HIVEP3: variants seen among roughly 807,000 people sequenced by gnomAD.
HIVEP3 encodes the protein transcription factor HIVEP3.
HIVEP3 carries 49 observed loss-of-function variants against 152.8 expected under a neutral mutation model. That is an observed-to-expected ratio of 0.32 (90% confidence interval 0.26 to 0.41). HIVEP3 has a LOEUF of 0.41. Among genes scored for constraint, HIVEP3 ranks in the 10% least tolerant of loss-of-function variants. HIVEP3 has a pLI of 1.00. For missense variants in HIVEP3, 2,790 were observed against 3,103.3 expected (o/e 0.90, Z 2.40); for synonymous variants, 1,269 against 1,289.0 (o/e 0.98, Z 0.33).
intron 5 of HIVEP3, among the ~76,000 whole-genome samples, chr1:41,538,495 C>T (rs1334650675): frequency 6.6e-6 from 1 of 152,068 alleles, no homozygotes; most frequent in Non-Finnish European, 1.5e-5. Flanking sequence ...CTGGGTTTTA[C>T]TATTGTGATT....
rs373976057 is a variant in HIVEP3, at chr1:41,580,490, G to T, written c.4308C>A (p.Gly1436=). ...GGGTTTCCATGGTAAGTTCAAGGCT[G>T]CCAGCTGGTGAAAGGACACGTTTGC... The part of the protein sequence containing the change: ...GGSKRVLSPA[G]SLELTMETQQ... Residue 1436 remains glycine (G), a synonymous_variant, in exon 4 of 9, where the codon GGC becomes GGA. Coordinates refer to ENST00000372583, the MANE Select transcript of HIVEP3 (RefSeq NM_024503.5). 1 of 1,614,200 alleles carries T rather than the reference G, an allele frequency of 6.2e-7. No individual in the cohort carries two copies. The highest frequency in any genetic ancestry group is 8.5e-7 in the Non-Finnish European group (1 of 1,180,038).
At chr1:42,001,064 A>G (rs1645425360) in intron 1 of HIVEP3, among the ~76,000 whole-genome samples, 1 of 152,174 alleles carries the variant, frequency 6.6e-6, no homozygotes, top group Non-Finnish European at 1.5e-5. Context: ...GTCACACCAC[A>G]TTTAAGATTT....
At chr1:41,966,472 A>ATTTTT in intron 1 of HIVEP3, among the ~76,000 whole-genome samples, 1 of 46,546 alleles carries the variant, frequency 2.1e-5, no homozygotes, top group Admixed American at 1.9e-4. Flanking sequence ...AGTGTGCTGT[A>ATTTTT]TTCTTTTTTT....
chr1:41,595,761 C>T (rs191259023), intron 3 of HIVEP3, among the ~76,000 whole-genome samples: 1 of 152,146 alleles, frequency 6.6e-6, no homozygotes, highest in Admixed American at 6.5e-5. Context: ...GGTAGAAGAA[C>T]ATGAAAAGAC....
chr1:41,527,341 CTT>C (rs1461164185), intron 5 of HIVEP3, among the ~76,000 whole-genome samples: 1 of 50,832 alleles, frequency 2.0e-5, no homozygotes, highest in Non-Finnish European at 4.8e-5. Context: ...CACATCCCAC[CTT>C]CACACTCACC....
chr1:41,850,570 T>C (rs969776880), intron 1 of HIVEP3, among the ~76,000 whole-genome samples: 1 of 152,206 alleles, frequency 6.6e-6, no homozygotes, highest in Admixed American at 6.5e-5. Flanking sequence ...TTTGTCGTCA[T>C]TAGAGTCACA....
chr1:41,663,463 G>A (rs1645750000), intron 2 of HIVEP3, among the ~76,000 whole-genome samples: 1 of 152,216 alleles, frequency 6.6e-6, no homozygotes, highest in Non-Finnish European at 1.5e-5. Context: ...AAGTTTCCAG[G>A]GGGATCCTTG....
intron 1 of HIVEP3, among the ~76,000 whole-genome samples, chr1:41,719,873 T>A (rs1011054894): frequency 5.3e-5 from 8 of 152,244 alleles, no homozygotes; most frequent in Admixed American, 2.0e-4. Context: ...TCTGGTAAAC[T>A]GGCAGAGCCA....
intron 1 of HIVEP3, among the ~76,000 whole-genome samples, chr1:41,817,480 G>T (rs1275806736): frequency 6.6e-6 from 1 of 152,212 alleles, no homozygotes; most frequent in East Asian, 1.9e-4. Flanking sequence ...GGATGCTGGA[G>T]AAATGAGGAC....
chr1:41,891,938 C>G (rs777536856), intron 1 of HIVEP3, among the ~76,000 whole-genome samples: 4 of 152,198 alleles, frequency 2.6e-5, no homozygotes, highest in Non-Finnish European at 5.9e-5. Context: ...AAAGGCACAT[C>G]GGTTCTGCCA....
At chr1:41,723,442 T>C (rs911787449) in intron 1 of HIVEP3, among the ~76,000 whole-genome samples, 5 of 151,116 alleles carry the variant, frequency 3.3e-5, no homozygotes, top group Non-Finnish European at 5.9e-5. Context: ...TGGGAACAAT[T>C]TTCACTAGCA....
At chr1:42,014,454 T>C (rs902665843) in intron 1 of HIVEP3, among the ~76,000 whole-genome samples, 5 of 152,050 alleles carry the variant, frequency 3.3e-5, no homozygotes, top group Admixed American at 2.0e-4. Flanking sequence ...TGATTCGGAC[T>C]TGTGGCAAAG....
intron 1 of HIVEP3, among the ~76,000 whole-genome samples, chr1:41,988,049 T>C (rs1279170845): frequency 1.3e-5 from 2 of 152,150 alleles, no homozygotes; most frequent in East Asian, 1.9e-4. Flanking sequence ...AGCCAAACCA[T>C]ATCAGACCCT....
chr1:42,023,541 GA>G (rs1645566086), intron 1 of HIVEP3, among the ~76,000 whole-genome samples: 1 of 152,138 alleles, frequency 6.6e-6, no homozygotes, highest in African/African-American at 2.4e-5. Flanking sequence ...TTGGATCATG[GA>G]GGTGGATCCT....
intron 2 of HIVEP3, among the ~76,000 whole-genome samples, chr1:41,665,207 G>C (rs923971735): frequency 1.3e-5 from 2 of 152,164 alleles, no homozygotes; most frequent in Non-Finnish European, 2.9e-5. Context: ...GCCCTGCTTC[G>C]AGGCTACCAG....
chr1:41,589,315 G>C (rs911579056), intron 3 of HIVEP3, among the ~76,000 whole-genome samples: 8 of 152,214 alleles, frequency 5.3e-5, no homozygotes, highest in South Asian at 4.1e-4. Context: ...ATAACCCTGA[G>C]GGGAACCTGA....
intron 5 of HIVEP3, among the ~76,000 whole-genome samples, chr1:41,526,738 AAAACGTGCT>A: frequency 2.3e-5 from 1 of 44,206 alleles, no homozygotes; most frequent in Non-Finnish European, 4.5e-5. Flanking sequence ...CACTCACCCT[AAAACGTGCT>A]CACATCCCCA....
intron 2 of HIVEP3, among the ~76,000 whole-genome samples, chr1:41,656,459 G>C (rs576170915): frequency 6.6e-6 from 1 of 152,294 alleles, no homozygotes; most frequent in East Asian, 1.9e-4. Context: ...TCCTTTGTGG[G>C]CTGGAACCAT....
chr1:41,525,016 G>A, intron 5 of HIVEP3, 106 bp from the exon 6 acceptor site: 14 of 1,084,126 alleles, frequency 1.3e-5, no homozygotes, highest in East Asian at 2.4e-5. Context: ...CGTTACAGAC[G>A]CAAGGAATGG....
Sources: allele counts gnomAD v4.1 joint callset (sites outside exome capture counted in the v4.1 genomes callset), GRCh38; gene constraint gnomAD v4.1.1; transcripts MANE v1.5; gene names NCBI Gene and HGNC (gene_info 2026-07-23, HGNC 2026-07-21).